EEPD1: variants seen among roughly 807,000 people sequenced by gnomAD.
The protein encoded by EEPD1 is endonuclease/exonuclease/phosphatase family domain containing 1, also known as endonuclease/exonuclease/phosphatase family domain-containing protein 1.
EEPD1 carries 17 observed loss-of-function variants against 46.3 expected under a neutral mutation model. The ratio of observed to expected loss-of-function variants is 0.37; its 90% CI spans 0.25 to 0.55. The LOEUF (loss-of-function observed/expected upper bound fraction) is 0.55, where lower values mean the gene tolerates loss of function less well. EEPD1 is among the 20% of genes least tolerant of loss of function. The pLI is 0.83. For missense variants in EEPD1, 673 were observed against 745.6 expected (o/e 0.90, Z 1.13); for synonymous variants, 313 against 315.6 (o/e 0.99, Z 0.09).
At chr7:36,260,456 G>T (rs1786903168) in intron 3 of EEPD1, among the ~76,000 whole-genome samples, 1 of 152,176 alleles carries the variant, frequency 6.6e-6, no homozygotes, top group South Asian at 2.1e-4. Context: ...TGGGTATATT[G>T]CTGGGGGCTG....
chr7:36,287,969 G>T (rs1002761432), intron 6 of EEPD1, among the ~76,000 whole-genome samples, 192 bp downstream of exon 6: 2 of 152,158 alleles, frequency 1.3e-5, no homozygotes, highest in African/African-American at 4.8e-5. Flanking sequence ...TGCCTCTGTG[G>T]ACCTAGCATA....
intron 2 of EEPD1, among the ~76,000 whole-genome samples, chr7:36,176,410 T>G (rs1316169444): frequency 6.6e-6 from 1 of 152,014 alleles, no homozygotes; most frequent in Non-Finnish European, 1.5e-5. Flanking sequence ...CATTTTAGGG[T>G]AGGAAAATCA....
At chr7:36,211,070 C>A (rs957950351) in intron 2 of EEPD1, among the ~76,000 whole-genome samples, 16 of 152,182 alleles carry the variant, frequency 1.1e-4, no homozygotes, top group African/African-American at 3.4e-4. Context: ...GCCTCACGAG[C>A]CTGTCACACA....
intron 4 of EEPD1, among the ~76,000 whole-genome samples, chr7:36,282,845 A>G (rs1232370031): frequency 6.6e-6 from 1 of 152,240 alleles, no homozygotes; most frequent in Non-Finnish European, 1.5e-5. Flanking sequence ...AATGTGGCCA[A>G]ACCTCCCAGT....
At chr7:36,190,483 A>G (rs1355490374) in intron 2 of EEPD1, among the ~76,000 whole-genome samples, 1 of 152,238 alleles carries the variant, frequency 6.6e-6, no homozygotes, top group African/African-American at 2.4e-5. Flanking sequence ...TGACATAATC[A>G]GACAAAAATC....
intron 3 of EEPD1, among the ~76,000 whole-genome samples, chr7:36,242,752 G>C (rs1786574606): frequency 7.5e-6 from 1 of 133,494 alleles, no homozygotes; most frequent in Non-Finnish European, 1.6e-5. Context: ...GCGAAACTGT[G>C]TCTCTAATAA....
chr7:36,170,251 A>C (rs1411379390), intron 2 of EEPD1, among the ~76,000 whole-genome samples: 1 of 152,176 alleles, frequency 6.6e-6, no homozygotes, highest in African/African-American at 2.4e-5. Context: ...TCTACTAAAA[A>C]TACAAAAATT....
chr7:36,202,333 T>C (rs1785725169), intron 2 of EEPD1, among the ~76,000 whole-genome samples: 1 of 152,158 alleles, frequency 6.6e-6, no homozygotes, highest in Non-Finnish European at 1.5e-5. Flanking sequence ...AGCCAGGACC[T>C]CTGTATGGGG....
At chr7:36,240,969 G>T (rs1583828462) in intron 3 of EEPD1, among the ~76,000 whole-genome samples, 1 of 152,282 alleles carries the variant, frequency 6.6e-6, no homozygotes, top group South Asian at 2.1e-4. Flanking sequence ...TCAAGGAAAA[G>T]AAATAGTGAT....
intron 2 of EEPD1, among the ~76,000 whole-genome samples, chr7:36,177,601 T>C (rs912601614): frequency 2.0e-5 from 3 of 152,142 alleles, no homozygotes; most frequent in African/African-American, 7.2e-5. Flanking sequence ...ATGATTTCAT[T>C]TTTTTTATGG....
At chr7:36,158,183 G>A (rs1221559987) in intron 2 of EEPD1, among the ~76,000 whole-genome samples, 2 of 152,166 alleles carry the variant, frequency 1.3e-5, no homozygotes, top group African/African-American at 4.8e-5. Context: ...ACTCTATCAG[G>A]CAGCTCCTTA....
rs146729805 is a variant in EEPD1 at position 36,268,255 on chromosome 7, G to A, written c.931-12860G>A. Among the ~76,000 whole-genome samples the A allele has an allele frequency of 7.4e-3, 1,128 of 152,200 alleles. 9 individuals carry two copies. Among genetic ancestry groups the A allele is most frequent in the African/African-American group, 0.026 (1,090 of 41,514 alleles). ...CAACCTCTGCCTCGCAGGTTCAGGT[G>A]ATTCTCTTGCCTCAGCCTCCCGAGT... On this transcript the variant is annotated intron_variant, in intron 3 of 7. Coordinates refer to ENST00000242108, the MANE Select transcript of EEPD1 (RefSeq NM_030636.3).
intron 2 of EEPD1, among the ~76,000 whole-genome samples, chr7:36,160,676 T>TGGGGGGGGG (rs150571892): frequency 8.2e-5 from 3 of 36,492 alleles, no homozygotes; most frequent in Non-Finnish European, 1.9e-4. Flanking sequence ...TGGGAGGTGG[T>TGGGGGGGGG]GGGGGGCGGG....
chr7:36,247,134 AAAAAAG>A (rs1455944684), intron 3 of EEPD1, among the ~76,000 whole-genome samples: 2 of 152,058 alleles, frequency 1.3e-5, no homozygotes, highest in African/African-American at 2.4e-5. Flanking sequence ...AAAAAAAAAA[AAAAAAG>A]AAAAGAAAAA....
intron 2 of EEPD1, among the ~76,000 whole-genome samples, chr7:36,155,460 C>G (rs141092272): frequency 4.1e-4 from 62 of 152,242 alleles, no homozygotes; most frequent in African/African-American, 1.5e-3. Flanking sequence ...TTGGGGTAAG[C>G]AGAGGTTGTG....
At chr7:36,190,042 G>T (rs1207864473) in intron 2 of EEPD1, among the ~76,000 whole-genome samples, 1 of 151,778 alleles carries the variant, frequency 6.6e-6, no homozygotes, top group African/African-American at 2.4e-5. Context: ...GAAAAGCGTG[G>T]AAGTTTCCTT....
rs554077636 is a variant in EEPD1 at position 36,300,865 on chromosome 7, G to A, written c.*1659G>A. On this transcript the variant is annotated 3_prime_UTR_variant, in exon 8 of 8. Coordinates refer to ENST00000242108, the MANE Select transcript of EEPD1 (RefSeq NM_030636.3). ...GGGAGGGCGGCAGCTCCTGTCCCTG[G>A]GTTCAGGCTGTGCTTCTGGAAGCAT... is the stretch of plus-strand genomic sequence containing the variant. 1 of 152,442 alleles carries A rather than the reference G, an allele frequency of 6.6e-6. No individual in the cohort carries two copies. The highest frequency in any genetic ancestry group is 1.9e-4 in the East Asian group (1 of 5,190). 9.4% of individuals were successfully genotyped at this position (152,442 alleles called of 1,614,324 possible). A position where few individuals can be genotyped will look rare whatever the true frequency, so the allele number is the denominator to read the frequency against.
At chr7:36,155,330 A>T in intron 2 of EEPD1, 128 bp downstream of exon 2, 1 of 1,158,322 alleles carries the variant, frequency 8.6e-7, no homozygotes, top group Non-Finnish European at 1.1e-6. Flanking sequence ...AATGTTCTTG[A>T]AGCCTCAGCC....
At chr7:36,297,501 A>T (rs1787547056) in intron 7 of EEPD1, among the ~76,000 whole-genome samples, 1 of 152,144 alleles carries the variant, frequency 6.6e-6, no homozygotes, top group African/African-American at 2.4e-5. Flanking sequence ...AGTGTGACAA[A>T]TAATTTTAGA....
Sources: gnomAD v4.1 joint callset for allele counts (sites outside exome capture counted in the v4.1 genomes callset) on GRCh38, gnomAD v4.1.1 for gene constraint, MANE v1.5 for transcripts, NCBI Gene and HGNC (gene_info 2026-07-23, HGNC 2026-07-21) for gene names.